Variants in ATRNL1 observed in about 807,000 individuals in gnomAD.
The protein encoded by ATRNL1 is attractin like 1, also known as attractin-like protein 1.
ATRNL1 carries 95 observed loss-of-function variants against 182.7 expected under a neutral mutation model. The observed-to-expected ratio is 0.52, with a 90% CI of 0.44 to 0.62. ATRNL1 has a LOEUF of 0.62. Ranked by LOEUF, ATRNL1 falls within the 20% of genes least tolerant of loss-of-function variation. The pLI is 0.00. For synonymous variants in ATRNL1, 576 were observed against 568.3 expected, an observed-to-expected ratio of 1.01 and a Z score of -0.19; for missense variants, 1,471 against 1,679.5, an observed-to-expected ratio of 0.88 and a Z score of 2.17.
At chr10:115,506,446 A>C (rs1850115312) in intron 24 of ATRNL1, among the ~76,000 whole-genome samples, 1 of 152,100 alleles carries the variant, frequency 6.6e-6, no homozygotes, top group Admixed American at 6.6e-5. Context: ...TAGCCAAGAC[A>C]AAACCCCAAT....
At chr10:115,690,668 T>C (rs536488715) in intron 26 of ATRNL1, among the ~76,000 whole-genome samples, 2 of 152,206 alleles carry the variant, frequency 1.3e-5, no homozygotes, top group Admixed American at 1.3e-4. Flanking sequence ...TTGGGGCTCA[T>C]GGGATGTAGA....
intron 9 of ATRNL1, among the ~76,000 whole-genome samples, chr10:115,227,528 G>A (rs1287778194): frequency 2.0e-5 from 3 of 152,114 alleles, no homozygotes; most frequent in Admixed American, 6.6e-5. Flanking sequence ...TTAAAGAACT[G>A]AGCTACCATT....
chr10:115,419,799 T>G (rs1845569383), intron 20 of ATRNL1, among the ~76,000 whole-genome samples: 1 of 152,100 alleles, frequency 6.6e-6, no homozygotes, highest in South Asian at 2.1e-4. Flanking sequence ...AAGGGAGAGA[T>G]AGACTGTAAC....
At chr10:115,268,217 T>C (rs1423497369) in intron 12 of ATRNL1, 109 bp from the exon 13 acceptor site, 7 of 693,256 alleles carry the variant, frequency 1.0e-5, no homozygotes, top group African/African-American at 1.8e-5. Context: ...ATTTCTTTGG[T>C]TAAAAAATGT....
chr10:115,367,973 G>A (rs1419832957), intron 19 of ATRNL1, among the ~76,000 whole-genome samples: 2 of 151,888 alleles, frequency 1.3e-5, no homozygotes, highest in Non-Finnish European at 2.9e-5. Flanking sequence ...CTGTCTTTTT[G>A]TTTGTCTGTG....
intron 24 of ATRNL1, among the ~76,000 whole-genome samples, chr10:115,478,523 C>T (rs1395476139): frequency 6.6e-6 from 1 of 151,682 alleles, no homozygotes; most frequent in Admixed American, 6.6e-5. Flanking sequence ...ATCTCTTTTC[C>T]TTTAAATCTC....
intron 28 of ATRNL1, among the ~76,000 whole-genome samples, chr10:115,915,288 C>A (rs1190660007): frequency 6.6e-6 from 1 of 151,942 alleles, no homozygotes; most frequent in Non-Finnish European, 1.5e-5. Context: ...GTCCCAGCTA[C>A]TCGGGAGGCT....
chr10:115,215,793 A>T lies in ATRNL1; in HGVS notation c.1445A>T (p.Tyr482Phe). The T allele has an allele frequency of 6.2e-7, 1 of 1,609,528 alleles. No homozygotes were observed. The highest frequency in any genetic ancestry group is 8.5e-7 in the Non-Finnish European group (1 of 1,178,254). ...TATGATGAAATAACAAAGTCCATTT[A>T]TGTTCATGGAGGGTATAAAGCATTG... ...SVYDEITKSI[Y>F]VHGGYKALPG... The change falls in exon 9 of 29, where the codon TAT becomes TTT. Residue 482 changes from tyrosine to phenylalanine, a missense_variant. Tyr to Phe is a conservative substitution (Grantham distance 22). This residue lies in a region of ATRNL1 where 1,031 missense variants were observed against 1,156.0 expected (regional missense o/e 0.89). Transcript: ENST00000355044.
At chr10:115,642,440 C>CTTTTTTTTTTTTTTTTTTT (rs71303504) in intron 26 of ATRNL1, among the ~76,000 whole-genome samples, 1 of 148,818 alleles carries the variant, frequency 6.7e-6, no homozygotes, top group Non-Finnish European at 1.5e-5. Context: ...AATTCTAGTG[C>CTTTTTTTTTTTTTTTTTTT]TTTTTTTTTT....
At chr10:115,254,026 A>C (rs1478421959) in intron 10 of ATRNL1, among the ~76,000 whole-genome samples, 5 of 152,178 alleles carry the variant, frequency 3.3e-5, no homozygotes, top group South Asian at 2.1e-4. Context: ...TTCTTAATCC[A>C]GTCTATCATT....
intron 26 of ATRNL1, among the ~76,000 whole-genome samples, chr10:115,650,291 G>A (rs908274151): frequency 6.6e-6 from 1 of 152,030 alleles, no homozygotes; most frequent in Non-Finnish European, 1.5e-5. Context: ...GAGCTGACAC[G>A]ATTGGACATG....
chr10:115,227,356 G>A (rs1434075939), intron 9 of ATRNL1, among the ~76,000 whole-genome samples: 1 of 151,828 alleles, frequency 6.6e-6, no homozygotes, highest in African/African-American at 2.4e-5. Flanking sequence ...TGCAAATGAG[G>A]TATCACACCA....
intron 27 of ATRNL1, among the ~76,000 whole-genome samples, chr10:115,805,101 A>G (rs1159468827): frequency 6.6e-6 from 1 of 152,152 alleles, no homozygotes; most frequent in Non-Finnish European, 1.5e-5. Context: ...ACACCCAAAC[A>G]TTCCCCTCCT....
intron 19 of ATRNL1, among the ~76,000 whole-genome samples, chr10:115,384,680 C>A (rs1554952152): frequency 6.6e-6 from 1 of 151,652 alleles, no homozygotes; most frequent in Non-Finnish European, 1.5e-5. Context: ...TTTTAAAAAT[C>A]TACCCTAAGC....
chr10:115,367,946 G>T (rs1297347330), intron 19 of ATRNL1, among the ~76,000 whole-genome samples: 4 of 151,674 alleles, frequency 2.6e-5, no homozygotes, highest in East Asian at 1.9e-4. Context: ...GGACATTTAA[G>T]TCTGCAGAGG....
chr10:115,588,639 C>G (rs907690072), intron 26 of ATRNL1, among the ~76,000 whole-genome samples: 4 of 152,154 alleles, frequency 2.6e-5, no homozygotes, highest in Non-Finnish European at 5.9e-5. Flanking sequence ...GGTTCCTTCC[C>G]AGTCATTAGG....
intron 27 of ATRNL1, among the ~76,000 whole-genome samples, chr10:115,792,836 AC>A (rs1315120964): frequency 6.6e-6 from 1 of 152,050 alleles, no homozygotes; most frequent in Non-Finnish European, 1.5e-5. Context: ...GCAAAAATAT[AC>A]ACAGAACTCT....
chr10:115,428,226 A>C (rs1592643160), intron 21 of ATRNL1, among the ~76,000 whole-genome samples: 2 of 152,018 alleles, frequency 1.3e-5, no homozygotes, highest in Admixed American at 1.3e-4. Flanking sequence ...TCTGGCATTT[A>C]TAATTGATTT....
intron 26 of ATRNL1, among the ~76,000 whole-genome samples, chr10:115,660,921 C>T (rs552149630): frequency 2.6e-5 from 4 of 151,982 alleles, no homozygotes; most frequent in African/African-American, 9.6e-5. Context: ...GGTTTAAATG[C>T]TGATGGAGAC....
Sources: gnomAD v4.1 joint callset for allele counts (sites outside exome capture counted in the v4.1 genomes callset) on GRCh38, gnomAD v4.1.1 for gene constraint, gnomAD v4.1.1 regional missense constraint, MANE v1.5 for transcripts, NCBI Gene and HGNC (gene_info 2026-07-23, HGNC 2026-07-21) for gene names.